IL1RAPL2: variants seen among roughly 807,000 people sequenced by gnomAD.
IL1RAPL2 encodes X-linked interleukin-1 receptor accessory protein-like 2.
In IL1RAPL2, 3 loss-of-function variants were observed where a neutral mutation model predicts 44.1. The observed-to-expected ratio is 0.07, with a 90% CI of 0.03 to 0.18. IL1RAPL2 has a LOEUF of 0.18. IL1RAPL2 is among the 10% of genes least tolerant of loss of function. The pLI, the probability that IL1RAPL2 is intolerant of heterozygous loss-of-function variation, is 1.00. For missense variants in IL1RAPL2, 391 were observed against 496.4 expected, an observed-to-expected ratio of 0.79 and a Z score of 2.02; for synonymous variants, 181 against 178.8, an observed-to-expected ratio of 1.01 and a Z score of -0.10.
chrX:105,412,305 AGTATATATAT>A (rs757294274), intron 5 of IL1RAPL2, among the ~76,000 whole-genome samples: 72 of 31,142 alleles, frequency 2.3e-3, no homozygotes, highest in Non-Finnish European at 6.3e-3. Context: ...AGAAAAATGT[AGTATATATAT>A]ATATATATAT....
At chrX:105,702,019 C>T (rs2038123500) in intron 6 of IL1RAPL2, among the ~76,000 whole-genome samples, 1 of 111,429 alleles carries the variant, frequency 9.0e-6, no homozygotes, top group Non-Finnish European at 1.9e-5. Context: ...AGAATAAAAA[C>T]TCCAAGTCAG....
At chrX:105,549,839 T>C (rs1164800250) in intron 6 of IL1RAPL2, among the ~76,000 whole-genome samples, 4 of 111,984 alleles carry the variant, frequency 3.6e-5, no homozygotes, top group Non-Finnish European at 3.8e-5. Flanking sequence ...GAACCTAGAA[T>C]CCGTCTCTAA....
chrX:105,660,963 C>T (rs1406330505), intron 6 of IL1RAPL2, among the ~76,000 whole-genome samples: 1 of 110,382 alleles, frequency 9.1e-6, no homozygotes, highest in African/African-American at 3.3e-5. Context: ...ATGGACTAAA[C>T]TCTCCAATCA....
At chrX:105,710,388 A>G (rs931678141) in intron 6 of IL1RAPL2, among the ~76,000 whole-genome samples, 2 of 51,346 alleles carry the variant, frequency 3.9e-5, no homozygotes, top group African/African-American at 1.6e-4. Context: ...TTCGGTTTCC[A>G]CCATCTGGGA....
intron 6 of IL1RAPL2, among the ~76,000 whole-genome samples, chrX:105,617,257 G>GAGA (rs1718080332): frequency 9.0e-6 from 1 of 110,724 alleles, no homozygotes; most frequent in African/African-American, 3.3e-5. Context: ...ACTCGATGAG[G>GAGA]GAATTGTAAC....
intron 6 of IL1RAPL2, among the ~76,000 whole-genome samples, chrX:105,542,347 A>G (rs991675488): frequency 1.8e-5 from 2 of 112,087 alleles, no homozygotes; most frequent in African/African-American, 6.5e-5. Flanking sequence ...TGGCACAATC[A>G]ATAACTGTAG....
intron 5 of IL1RAPL2, among the ~76,000 whole-genome samples, chrX:105,447,839 A>G (rs1420159376): frequency 4.3e-5 from 4 of 92,536 alleles, no homozygotes; most frequent in Admixed American, 1.4e-4. Context: ...AATATATTAT[A>G]CATATAAATA....
chrX:104,944,709 A>T (rs1478610219), intron 2 of IL1RAPL2, among the ~76,000 whole-genome samples: 3 of 111,925 alleles, frequency 2.7e-5, no homozygotes, highest in Non-Finnish European at 5.6e-5. Flanking sequence ...CAGCTATTTC[A>T]TTAACTTATT....
At position 104,659,097 on chromosome X, in the gene IL1RAPL2, G is replaced by A. The variant is rs2148023663; in HGVS notation, c.82+102G>A. On this transcript the variant is annotated intron_variant, in intron 2 of 10. Transcript: ENST00000372582. ...TAACTATGAATGTCTTTAAATAGAA[G>A]CACTCGTATTCCAGTTATGTTGGAA... 7.8e-6 allele frequency: 4 copies of A among 515,224 alleles called. No individual in the cohort carries two copies. In the South Asian group the frequency reaches 1.3e-4, roughly 16 times the overall value. The allele number at this position is 515,224 out of a possible 1,213,427, so 42.5% of individuals were successfully genotyped here.
intron 2 of IL1RAPL2, among the ~76,000 whole-genome samples, chrX:105,032,904 G>A (rs1371939943): frequency 3.5e-4 from 39 of 111,614 alleles, no homozygotes; most frequent in African/African-American, 1.2e-3. Context: ...ATGAATCTGG[G>A]TGCTCCAGTA....
chrX:105,145,837 T>C (rs929599354), intron 2 of IL1RAPL2, among the ~76,000 whole-genome samples: 1 of 111,770 alleles, frequency 8.9e-6, no homozygotes, highest in South Asian at 3.8e-4. Flanking sequence ...TACCCTGCTA[T>C]GGTTTGAACG....
intron 6 of IL1RAPL2, among the ~76,000 whole-genome samples, chrX:105,558,855 C>T (rs2036913520): frequency 8.9e-6 from 1 of 111,765 alleles, no homozygotes; most frequent in African/African-American, 3.3e-5. Context: ...AGAATAATAA[C>T]AAATAATCAC....
At chrX:105,744,657 A>G (rs1022983087) in intron 8 of IL1RAPL2, among the ~76,000 whole-genome samples, 1 of 111,724 alleles carries the variant, frequency 9.0e-6, no homozygotes, top group Non-Finnish European at 1.9e-5. Flanking sequence ...GAAAACTCAC[A>G]TCTAATATAT....
intron 5 of IL1RAPL2, among the ~76,000 whole-genome samples, chrX:105,352,104 T>TC (rs1322242174): frequency 9.0e-6 from 1 of 110,556 alleles, no homozygotes; most frequent in African/African-American, 3.3e-5. Context: ...AAAAACAATT[T>TC]TTTTTTCTAG....
chrX:104,609,867 A>G (rs1450529622), intron 1 of IL1RAPL2, among the ~76,000 whole-genome samples: 1 of 111,581 alleles, frequency 9.0e-6, no homozygotes, highest in Admixed American at 9.6e-5. Context: ...CATCAAACTC[A>G]TTCTCCGTCC....
chrX:104,634,943 G>T (rs1929757342), intron 1 of IL1RAPL2, among the ~76,000 whole-genome samples: 1 of 111,476 alleles, frequency 9.0e-6, no homozygotes, highest in South Asian at 3.8e-4. Flanking sequence ...AGCCTTGATG[G>T]TCTTTACAAT....
intron 2 of IL1RAPL2, among the ~76,000 whole-genome samples, chrX:104,743,326 T>TTA (rs1235838061): frequency 1.8e-5 from 2 of 109,704 alleles, no homozygotes; most frequent in Non-Finnish European, 3.8e-5. Context: ...AACTATTTTT[T>TTA]TTTTTGCATT....
At chrX:104,685,516 C>A (rs1930970070) in intron 2 of IL1RAPL2, among the ~76,000 whole-genome samples, 1 of 111,083 alleles carries the variant, frequency 9.0e-6, no homozygotes, top group Non-Finnish European at 1.9e-5. Flanking sequence ...CCTATGAAAC[C>A]CTGAGCACAT....
At chrX:104,919,533 T>G (rs1405162450) in intron 2 of IL1RAPL2, among the ~76,000 whole-genome samples, 19 of 99,683 alleles carry the variant, frequency 1.9e-4, no homozygotes, top group Non-Finnish European at 3.6e-4. Flanking sequence ...CTTTTTTTTT[T>G]TTTTCTTTTT....
Sources: allele counts gnomAD v4.1 joint callset (sites outside exome capture counted in the v4.1 genomes callset), GRCh38; gene constraint gnomAD v4.1.1; transcripts MANE v1.5; gene names NCBI Gene and HGNC (gene_info 2026-07-23, HGNC 2026-07-21).